TBC1D22A: variants seen among roughly 807,000 people sequenced by gnomAD.
TBC1D22A encodes putative GTPase activator.
TBC1D22A carries 38 observed loss-of-function variants against 60.2 expected under a neutral mutation model. That is an observed-to-expected ratio of 0.63 (90% confidence interval 0.49 to 0.83). The LOEUF (loss-of-function observed/expected upper bound fraction) is 0.83. TBC1D22A is among the 40% of genes least tolerant of loss of function. TBC1D22A has a pLI of 0.00. For missense variants in TBC1D22A, 628 were observed against 701.0 expected (o/e 0.90, Z 1.18); for synonymous variants, 302 against 281.7 (o/e 1.07, Z -0.72).
At chr22:46,874,793 C>G (rs775902884) in intron 4 of TBC1D22A, among the ~76,000 whole-genome samples, 1 of 151,918 alleles carries the variant, frequency 6.6e-6, no homozygotes, top group Non-Finnish European at 1.5e-5. Flanking sequence ...AGGCTGGTCT[C>G]GAATTCCTCA....
Position 46,762,807 on chromosome 22 carries a change from G to C in TBC1D22A, c.21G>C (p.Arg7Ser). The C allele has an allele frequency of 6.9e-7, 1 of 1,456,376 alleles. No individual in the cohort carries two copies. 90.2% of individuals were successfully genotyped at this position (1,456,376 alleles called of 1,614,324 possible). The change falls in exon 1 of 13, where the codon AGG becomes AGC. Residue 7 changes from arginine to serine, a missense_variant. Coordinates refer to ENST00000337137, the MANE Select transcript of TBC1D22A (RefSeq NM_014346.5). ...GGGCCATGGCCAGCGACGGGGCCAG[G>C]AAGCAATTCTGGAAGCGCAGCAACA... The part of the protein sequence containing the change: MASDGA[R>S]KQFWKRSNSK...
chr22:47,165,404 G>A (rs137870990), intron 12 of TBC1D22A, among the ~76,000 whole-genome samples: 183 of 152,316 alleles, frequency 1.2e-3, no homozygotes, highest in East Asian at 6.6e-3. Context: ...GCACCAGCAC[G>A]GGTATCGCTG....
intron 4 of TBC1D22A, among the ~76,000 whole-genome samples, chr22:46,869,512 G>A (rs937811861): frequency 1.3e-5 from 2 of 152,226 alleles, no homozygotes; most frequent in Admixed American, 6.5e-5. Context: ...CTCGGTCTGG[G>A]GAGTGTCTCA....
chr22:47,100,614 C>T (rs1325330617), intron 11 of TBC1D22A, among the ~76,000 whole-genome samples: 1 of 152,188 alleles, frequency 6.6e-6, no homozygotes, highest in Non-Finnish European at 1.5e-5. Flanking sequence ...AAGAGGTGCT[C>T]CTCTGCACAC....
At chr22:47,100,706 C>T (rs2086758844) in intron 11 of TBC1D22A, among the ~76,000 whole-genome samples, 1 of 152,178 alleles carries the variant, frequency 6.6e-6, no homozygotes, top group Non-Finnish European at 1.5e-5. Flanking sequence ...TGTAAGGGCT[C>T]CCCAGCCATG....
chr22:46,955,852 C>T (rs868594086), intron 8 of TBC1D22A, among the ~76,000 whole-genome samples: 2 of 152,120 alleles, frequency 1.3e-5, no homozygotes, highest in South Asian at 4.1e-4. Flanking sequence ...CCTCCCTGTC[C>T]CGAGGACATA....
At chr22:47,051,153 C>T (rs1417552082) in intron 11 of TBC1D22A, among the ~76,000 whole-genome samples, 1 of 152,092 alleles carries the variant, frequency 6.6e-6, no homozygotes, top group African/African-American at 2.4e-5. Context: ...TAGATTGTAG[C>T]AAAGGAGCTG....
chr22:46,796,793 G>C (rs1239721709), intron 3 of TBC1D22A, among the ~76,000 whole-genome samples: 2 of 152,316 alleles, frequency 1.3e-5, no homozygotes, highest in African/African-American at 4.8e-5. Context: ...CACTGCCTGT[G>C]GTGGGGTCTG....
rs1440947280 is a variant in TBC1D22A, at chr22:46,881,124, G to A, written c.708+2401G>A. ...CCCAAGAGGAGACCAGGTGACAGCC[G>A]CCCTACTGCCATCCCTACCCACCCC... On this transcript the variant is annotated intron_variant, in intron 5 of 12. Coordinates refer to ENST00000337137, the MANE Select transcript of TBC1D22A (RefSeq NM_014346.5). Among the ~76,000 whole-genome samples, 6 of 152,164 alleles carry A rather than the reference G, an allele frequency of 3.9e-5. No individual in the cohort carries two copies. In the East Asian group the frequency reaches 5.8e-4, roughly 15 times the overall value.
intron 12 of TBC1D22A, among the ~76,000 whole-genome samples, chr22:47,138,840 A>G (rs1411600136): frequency 1.3e-5 from 2 of 152,220 alleles, no homozygotes; most frequent in East Asian, 3.9e-4. Flanking sequence ...ACGGTGGAAC[A>G]GGGAGGGGCC....
At chr22:47,074,221 C>T (rs976203783) in intron 11 of TBC1D22A, among the ~76,000 whole-genome samples, 1 of 152,372 alleles carries the variant, frequency 6.6e-6, no homozygotes, top group Middle Eastern at 3.4e-3. Context: ...TAATCCGGAG[C>T]GCCTCCCAGG....
intron 1 of TBC1D22A, among the ~76,000 whole-genome samples, chr22:46,782,288 T>C (rs1445414670): frequency 6.6e-6 from 1 of 152,200 alleles, no homozygotes; most frequent in East Asian, 1.9e-4. Flanking sequence ...CTCTTGACCT[T>C]GTGATCTGCC....
chr22:46,780,453 CT>C (rs1162473091), intron 1 of TBC1D22A, among the ~76,000 whole-genome samples: 1 of 151,368 alleles, frequency 6.6e-6, no homozygotes, highest in African/African-American at 2.4e-5. Flanking sequence ...AAAAAAAAAG[CT>C]GTTCTGATAC....
At chr22:46,947,474 A>G (rs991806099) in intron 8 of TBC1D22A, among the ~76,000 whole-genome samples, 1 of 152,176 alleles carries the variant, frequency 6.6e-6, no homozygotes, top group Non-Finnish European at 1.5e-5. Context: ...AGGTGGGGCA[A>G]TAAGGGCCTA....
At chr22:46,783,401 A>G (rs1415966977) in intron 1 of TBC1D22A, among the ~76,000 whole-genome samples, 1 of 152,166 alleles carries the variant, frequency 6.6e-6, no homozygotes, top group Non-Finnish European at 1.5e-5. Flanking sequence ...AAAAAACTAG[A>G]AAGCGTTTCA....
chr22:47,117,840 G>A (rs2066126099), intron 12 of TBC1D22A, among the ~76,000 whole-genome samples: 1 of 152,176 alleles, frequency 6.6e-6, no homozygotes, highest in Admixed American at 6.5e-5. Flanking sequence ...AATAAGGCGG[G>A]GGCTGAGCAC....
intron 12 of TBC1D22A, among the ~76,000 whole-genome samples, chr22:47,142,194 C>A (rs1045644862): frequency 3.3e-5 from 5 of 151,710 alleles, no homozygotes; most frequent in Non-Finnish European, 7.4e-5. Context: ...ATCCATCCAC[C>A]CACACACCCA....
At chr22:46,970,892 T>G (rs2074021344) in intron 8 of TBC1D22A, among the ~76,000 whole-genome samples, 1 of 152,062 alleles carries the variant, frequency 6.6e-6, no homozygotes, top group African/African-American at 2.4e-5. Context: ...CCAGGCTATC[T>G]CCCCAGGGGC....
chr22:46,979,971 A>T (rs1393249207), intron 9 of TBC1D22A, among the ~76,000 whole-genome samples: 2 of 152,042 alleles, frequency 1.3e-5, no homozygotes, highest in Non-Finnish European at 2.9e-5. Context: ...GCATCTGCAG[A>T]TGACCTCACA....
Sources: allele counts gnomAD v4.1 joint callset (sites outside exome capture counted in the v4.1 genomes callset), GRCh38; gene constraint gnomAD v4.1.1; transcripts MANE v1.5; gene names NCBI Gene and HGNC (gene_info 2026-07-23, HGNC 2026-07-21).